Variants in PDLIM5 observed in about 807,000 individuals in gnomAD.
PDLIM5 encodes PDZ and LIM domain 5, also known as PDZ and LIM domain protein 5.
A neutral mutation model predicts 64.2 loss-of-function variants in PDLIM5; 34 were observed. The observed-to-expected ratio is 0.53, with a 90% CI of 0.40 to 0.71. The LOEUF is 0.71. Ranked by LOEUF, PDLIM5 falls within the 30% of genes least tolerant of loss-of-function variation. The pLI, the probability that PDLIM5 is intolerant of heterozygous loss-of-function variation, is 0.00. For synonymous variants in PDLIM5, 253 were observed against 269.1 expected, an observed-to-expected ratio of 0.94 and a Z score of 0.59; for missense variants, 683 against 733.6, an observed-to-expected ratio of 0.93 and a Z score of 0.80.
chr4:94,466,134 A>G (rs551287195), intron 2 of PDLIM5, among the ~76,000 whole-genome samples: 1 of 152,038 alleles, frequency 6.6e-6, no homozygotes, highest in Admixed American at 6.6e-5. Flanking sequence ...TGCCTGGCTA[A>G]TTCTTTAATT....
chr4:94,663,878 C>T, intron 12 of PDLIM5, 100 bp from the exon 13 acceptor site: 1 of 1,206,478 alleles, frequency 8.3e-7, no homozygotes, highest in African/African-American at 1.5e-5. Context: ...TCATATTATC[C>T]ATTGGGGGGA....
chr4:94,521,769 C>T (rs1386378063), intron 2 of PDLIM5, among the ~76,000 whole-genome samples: 2 of 151,834 alleles, frequency 1.3e-5, no homozygotes, highest in Non-Finnish European at 2.9e-5. Context: ...AACAAATGCC[C>T]ATAGATTTCA....
At chr4:94,499,834 A>G (rs1010613189) in intron 2 of PDLIM5, among the ~76,000 whole-genome samples, 1 of 152,114 alleles carries the variant, frequency 6.6e-6, no homozygotes, top group African/African-American at 2.4e-5. Context: ...CACGAACCCT[A>G]TTGTGAACTG....
At position 94,600,475 on chromosome 4, in the gene PDLIM5, C is replaced by CA. The variant is rs1355820858; in HGVS notation, c.920+14034dup. On this transcript the variant is annotated intron_variant, in intron 7 of 12. Coordinates refer to ENST00000317968, the MANE Select transcript of PDLIM5 (RefSeq NM_006457.5). ...ATTCAGACGTATTCTTTTATATTTT[C>CA]AAACAGGTAACTTGACTTAACACTA... Among the ~76,000 whole-genome samples, 5 of 152,144 alleles carry CA rather than the reference C, an allele frequency of 3.3e-5. No homozygotes were observed. The East Asian group carries it at 7.7e-4, about 23-fold the overall frequency.
At chr4:94,649,083 C>T (rs369413425) in intron 9 of PDLIM5, among the ~76,000 whole-genome samples, 4 of 152,118 alleles carry the variant, frequency 2.6e-5, no homozygotes, top group African/African-American at 9.6e-5. Context: ...TCAAGCGATT[C>T]CCCTGCCTCA....
At position 94,528,309 on chromosome 4, in the gene PDLIM5, AAT is replaced by A. The variant is rs1343717932; in HGVS notation, c.248+4436_248+4437del. On this transcript the variant is annotated intron_variant, in intron 3 of 12. Transcript: ENST00000317968. ...TTTTTCCCCTTCTGAACTTGTATGA[AAT>A]AGTTTATGCCATTCAGTTCAGCGTT... Among the ~76,000 whole-genome samples, 4 of 152,106 alleles carry A rather than the reference AAT, an allele frequency of 2.6e-5. No homozygotes were observed. The East Asian group carries it at 7.7e-4, about 29-fold the overall frequency.
chr4:94,512,774 A>G (rs895078427), intron 2 of PDLIM5, among the ~76,000 whole-genome samples: 3 of 152,052 alleles, frequency 2.0e-5, no homozygotes, highest in Admixed American at 6.6e-5. Flanking sequence ...TTGGATGCCT[A>G]TGCTAGTAGG....
chr4:94,463,029 C>A (rs1216356142), intron 2 of PDLIM5, among the ~76,000 whole-genome samples: 1 of 152,188 alleles, frequency 6.6e-6, no homozygotes, highest in Non-Finnish European at 1.5e-5. Flanking sequence ...TCGTCCAGAG[C>A]TTTTGTTAGT....
At chr4:94,488,634 A>G (rs1726568347) in intron 2 of PDLIM5, among the ~76,000 whole-genome samples, 1 of 152,218 alleles carries the variant, frequency 6.6e-6, no homozygotes, top group Non-Finnish European at 1.5e-5. Context: ...AGTAAAAGAC[A>G]TAAGAAAACA....
intron 2 of PDLIM5, among the ~76,000 whole-genome samples, chr4:94,514,175 C>T (rs1438558720): frequency 1.4e-5 from 2 of 147,840 alleles, no homozygotes; most frequent in Non-Finnish European, 3.0e-5. Context: ...TACGTGGTCG[C>T]CAAGGCTGGA....
At position 94,499,866 on chromosome 4, in the gene PDLIM5, G is replaced by C. The variant is rs1354346484; in HGVS notation, c.97-23858G>C. 3.3e-5 allele frequency among the ~76,000 whole-genome samples: 5 copies of C among 152,188 alleles called. No individual in the cohort carries two copies. In the East Asian group the frequency reaches 5.8e-4, roughly 18 times the overall value. ...ACTGCACGTGCAAGGGATCTGGGTT[G>C]CAGGCTCGTTATGAGAATCTAATGC... is the stretch of plus-strand genomic sequence containing the variant. On this transcript the variant is annotated intron_variant, in intron 2 of 12. Coordinates refer to ENST00000317968, the MANE Select transcript of PDLIM5 (RefSeq NM_006457.5).
intron 2 of PDLIM5, among the ~76,000 whole-genome samples, chr4:94,495,291 A>C (rs889646764): frequency 8.5e-5 from 13 of 152,196 alleles, no homozygotes; most frequent in African/African-American, 2.9e-4. Context: ...CATGACAAAA[A>C]CACACATATT....
chr4:94,652,797 G>A lies in PDLIM5; in HGVS notation c.1284-1663G>A, dbSNP rs115229563. On this transcript the variant is annotated intron_variant, in intron 9 of 12. Coordinates refer to ENST00000317968, the MANE Select transcript of PDLIM5 (RefSeq NM_006457.5). ...GATATGTACTAGCTTATACAAAATG[G>A]CATCATGTTATTAATAAGAAACAAG... Among the ~76,000 whole-genome samples the A allele has an allele frequency of 8.0e-3, 1,210 of 152,012 alleles. 16 individuals carry two copies. Among genetic ancestry groups the A allele is most frequent in the African/African-American group, 0.027 (1,136 of 41,468 alleles).
chr4:94,620,497 A>G (rs1224074134), intron 8 of PDLIM5, among the ~76,000 whole-genome samples: 1 of 152,030 alleles, frequency 6.6e-6, no homozygotes, highest in Non-Finnish European at 1.5e-5. Context: ...TGATTGCACC[A>G]CTACACTCCA....
intron 3 of PDLIM5, among the ~76,000 whole-genome samples, chr4:94,560,320 A>G (rs933183248): frequency 6.6e-6 from 1 of 152,160 alleles, no homozygotes. Context: ...TTTAGAAGAC[A>G]GGTGGACTTT....
At chr4:94,530,943 G>T (rs1343431773) in intron 3 of PDLIM5, among the ~76,000 whole-genome samples, 1 of 152,124 alleles carries the variant, frequency 6.6e-6, no homozygotes, top group Non-Finnish European at 1.5e-5. Flanking sequence ...CAACTCTGCT[G>T]TTTCTTTCAC....
chr4:94,517,675 T>A (rs2110120027), intron 2 of PDLIM5, among the ~76,000 whole-genome samples: 1 of 152,360 alleles, frequency 6.6e-6, no homozygotes, highest in Middle Eastern at 3.4e-3. Context: ...GTTCCTTTTT[T>A]ACATTTACTA....
chr4:94,522,239 C>T (rs966903627), intron 2 of PDLIM5, among the ~76,000 whole-genome samples: 6 of 152,074 alleles, frequency 3.9e-5, no homozygotes, highest in African/African-American at 1.4e-4. Context: ...ACGACCTTCC[C>T]GAAGTCCCAG....
At chr4:94,455,917 T>C in intron 2 of PDLIM5, 1 of 1,459,360 alleles carries the variant, frequency 6.9e-7, no homozygotes. Flanking sequence ...CTAGATAGCC[T>C]ATGAATAATT....
Sources: allele counts gnomAD v4.1 joint callset (sites outside exome capture counted in the v4.1 genomes callset), GRCh38; gene constraint gnomAD v4.1.1; transcripts MANE v1.5; gene names NCBI Gene and HGNC (gene_info 2026-07-23, HGNC 2026-07-21).